The following MYBPC1 variants were observed in gnomAD, a reference collection of about 807,000 sequenced individuals.
The protein encoded by MYBPC1 is myosin binding protein C1, also known as myosin-binding protein C, slow-type.
A neutral mutation model predicts 147.1 loss-of-function variants in MYBPC1; 52 were observed. The ratio of observed to expected loss-of-function variants is 0.35; its 90% CI spans 0.28 to 0.45. The LOEUF is 0.45. Ranked by LOEUF, MYBPC1 falls within the 20% of genes least tolerant of loss-of-function variation. The pLI, the probability that MYBPC1 is intolerant of heterozygous loss-of-function variation, is 1.00. For synonymous variants in MYBPC1, 477 were observed against 475.9 expected (o/e 1.00, Z -0.03); for missense variants, 1,228 against 1,440.3 (o/e 0.85, Z 2.39).
intron 24 of MYBPC1, among the ~76,000 whole-genome samples, chr12:101,671,240 T>C (rs192377445): frequency 2.2e-4 from 33 of 152,190 alleles, no homozygotes; most frequent in African/African-American, 8.0e-4. Context: ...TAGCCACGTG[T>C]ACCTTGTGGC....
intron 6 of MYBPC1, 65 bp from the exon 7 acceptor site, chr12:101,631,506 C>T (rs1889886991): frequency 4.5e-6 from 7 of 1,554,392 alleles, no homozygotes; most frequent in Non-Finnish European, 6.2e-6. Context: ...TCAACTCCTT[C>T]CAGTTGAAAG....
chr12:101,659,525 A>G (rs1307316450), intron 18 of MYBPC1, 147 bp from the exon 19 acceptor site: 1 of 811,094 alleles, frequency 1.2e-6, no homozygotes, highest in Non-Finnish European at 2.1e-6. Context: ...AACACTATAT[A>G]GTTACACTAT....
chr12:101,640,944 A>G (rs1367873406), intron 10 of MYBPC1, among the ~76,000 whole-genome samples: 2 of 151,794 alleles, frequency 1.3e-5, no homozygotes, highest in African/African-American at 4.8e-5. Flanking sequence ...GTGAAATCCC[A>G]TCTCTACTAA....
intron 1 of MYBPC1, among the ~76,000 whole-genome samples, chr12:101,605,492 A>G (rs1018012949): frequency 1.3e-5 from 2 of 152,248 alleles, no homozygotes; most frequent in Non-Finnish European, 2.9e-5. Context: ...GTGCATAACT[A>G]GTGTATTATA....
intron 28 of MYBPC1, among the ~76,000 whole-genome samples, chr12:101,678,617 C>A (rs1279066272): frequency 1.3e-5 from 2 of 152,242 alleles, no homozygotes; most frequent in African/African-American, 4.8e-5. Context: ...AAGTAAACAA[C>A]AATTACACTA....
intron 1 of MYBPC1, among the ~76,000 whole-genome samples, chr12:101,609,299 AT>A (rs796184012): frequency 2.0e-5 from 3 of 151,772 alleles, no homozygotes; most frequent in South Asian, 2.1e-4. Flanking sequence ...TTAAAAAAAA[AT>A]TTTTTTCTGG....
At chr12:101,680,581 A>G (rs1365254291) in intron 29 of MYBPC1, 52 bp downstream of exon 29, 4 of 1,595,086 alleles carry the variant, frequency 2.5e-6, no homozygotes, top group Admixed American at 1.7e-5. Flanking sequence ...AAATCATTGA[A>G]TTATTGTTCT....
intron 25 of MYBPC1, among the ~76,000 whole-genome samples, 156 bp downstream of exon 25, chr12:101,673,778 C>T (rs577064409): frequency 6.6e-6 from 1 of 152,124 alleles, no homozygotes; most frequent in Non-Finnish European, 1.5e-5. Context: ...TTAGGCTGGG[C>T]GTGGTAGCTT....
intron 1 of MYBPC1, among the ~76,000 whole-genome samples, chr12:101,613,831 G>A (rs1400032231): frequency 2.0e-5 from 3 of 152,168 alleles, no homozygotes; most frequent in Non-Finnish European, 1.5e-5. Flanking sequence ...CTCTGAGAGG[G>A]CTTAATTCTG....
chr12:101,650,865 G>A, intron 15 of MYBPC1: 1 of 333,478 alleles, frequency 3.0e-6, no homozygotes, highest in Admixed American at 4.1e-5. Flanking sequence ...TGAAGCAGTA[G>A]AAAGAGGATT....
chr12:101,666,609 C>T, intron 22 of MYBPC1: 1 of 886,062 alleles, frequency 1.1e-6, no homozygotes, highest in Non-Finnish European at 1.9e-6. Flanking sequence ...TTGGTCTCTT[C>T]CGTCACTGCT....
At chr12:101,657,775 A>T (rs1197146891) in intron 18 of MYBPC1, among the ~76,000 whole-genome samples, 1 of 152,204 alleles carries the variant, frequency 6.6e-6, no homozygotes, top group Non-Finnish European at 1.5e-5. Context: ...TAAGAAAGAA[A>T]TTGTGCCTTA....
intron 27 of MYBPC1, 146 bp from the exon 28 acceptor site, chr12:101,677,956 A>C: frequency 9.8e-6 from 10 of 1,023,250 alleles, no homozygotes; most frequent in Non-Finnish European, 1.3e-5. Context: ...TACCCCTCAG[A>C]ATGTTTGCCA....
At chr12:101,633,479 C>G (rs769098331) in intron 8 of MYBPC1, among the ~76,000 whole-genome samples, 63 of 151,940 alleles carry the variant, frequency 4.1e-4, no homozygotes, top group Non-Finnish European at 7.6e-4. Context: ...ACGAGGACAG[C>G]AGTCCGAGAC....
chr12:101,640,827 T>G (rs906915341), intron 10 of MYBPC1, among the ~76,000 whole-genome samples: 4 of 152,166 alleles, frequency 2.6e-5, no homozygotes, highest in Admixed American at 1.3e-4. Context: ...AAAGTACACA[T>G]GAGTGTAAAG....
chr12:101,656,578 G>A (rs1042300086), intron 18 of MYBPC1, among the ~76,000 whole-genome samples: 2 of 152,098 alleles, frequency 1.3e-5, no homozygotes, highest in African/African-American at 4.8e-5. Context: ...AGACTACAAA[G>A]CGAAGAAATT....
chr12:101,653,932 G>A (rs1169663934), intron 18 of MYBPC1, among the ~76,000 whole-genome samples: 1 of 152,146 alleles, frequency 6.6e-6, no homozygotes, highest in Non-Finnish European at 1.5e-5. Context: ...GGCTGGGCAT[G>A]GTGGCTCATG....
intron 10 of MYBPC1, among the ~76,000 whole-genome samples, chr12:101,637,357 TTA>T (rs146749838): frequency 0.04 from 6,016 of 152,204 alleles, 190 homozygotes; most frequent in South Asian, 0.14. Context: ...GCAATAAAAT[TTA>T]TAGGATTTCA....
intron 11 of MYBPC1, among the ~76,000 whole-genome samples, 153 bp from the exon 12 acceptor site, chr12:101,644,511 C>T (rs1234033054): frequency 1.3e-5 from 2 of 152,084 alleles, no homozygotes; most frequent in African/African-American, 2.4e-5. Context: ...ACACAGTGTT[C>T]GAAATATAAA....
Sources: allele counts gnomAD v4.1 joint callset (sites outside exome capture counted in the v4.1 genomes callset), GRCh38; gene constraint gnomAD v4.1.1; transcripts MANE v1.5; gene names NCBI Gene and HGNC (gene_info 2026-07-23, HGNC 2026-07-21).